The following COL12A1 variants were observed in gnomAD, a reference collection of about 807,000 sequenced individuals.
COL12A1 encodes the protein collagen alpha-1(XII) chain.
In COL12A1, 114 loss-of-function variants were observed where a neutral mutation model predicts 349.7. The observed-to-expected ratio is 0.33, with a 90% CI of 0.28 to 0.38. The LOEUF (loss-of-function observed/expected upper bound fraction) is 0.38. Among genes scored for constraint, COL12A1 ranks in the 10% least tolerant of loss-of-function variants. The probability of loss-of-function intolerance (pLI) is 1.00; values close to 1 mark genes in which losing one functional copy is unlikely to be tolerated. For missense variants in COL12A1, 3,284 were observed against 3,756.9 expected, an observed-to-expected ratio of 0.87 and a Z score of 3.29; for synonymous variants, 1,369 against 1,329.0, an observed-to-expected ratio of 1.03 and a Z score of -0.66.
At chr6:75,140,595 T>G (rs1333128007) in intron 27 of COL12A1, among the ~76,000 whole-genome samples, 3 of 144,550 alleles carry the variant, frequency 2.1e-5, no homozygotes, top group Non-Finnish European at 4.5e-5. Context: ...GGCGGAGCTT[T>G]CAGTGAGCCG....
chr6:75,161,016 C>T (rs924950960), intron 14 of COL12A1, among the ~76,000 whole-genome samples: 4 of 152,146 alleles, frequency 2.6e-5, no homozygotes, highest in Non-Finnish European at 4.4e-5. Context: ...TTAAGGGTCA[C>T]AGTGGACACA....
Position 75,087,624 on chromosome 6 carries a change from T to C in COL12A1, c.9134A>G (p.Asp3045Gly), listed in dbSNP as rs751471471. ...RGPPGPPGYC[D>G]SSQCASIPYN... The stretch of plus-strand genomic sequence containing the variant: ...TGGGATGCTGGCACACTGAGAAGAA[T>C]CACAGTATCCAGGAGGACCTGGGGG... The change falls in exon 65 of 66, where the codon GAT (aspartate) becomes GGT (glycine). Residue 3045 changes from aspartate (D) to glycine (G), a missense_variant. Asp to Gly is a moderately conservative substitution (Grantham distance 94). This residue lies in a region of COL12A1 where 683 missense variants were observed against 932.1 expected (regional missense o/e 0.73). Coordinates refer to ENST00000322507, the MANE Select transcript of COL12A1 (RefSeq NM_004370.6). 2 of 1,613,808 alleles carry C rather than the reference T, an allele frequency of 1.2e-6. No individual in the cohort carries two copies. Among genetic ancestry groups the C allele is most frequent in the Non-Finnish European group, 1.7e-6 (2 of 1,179,852 alleles).
chr6:75,189,073 T>G, intron 7 of COL12A1, 144 bp downstream of exon 7: 2 of 857,400 alleles, frequency 2.3e-6, no homozygotes, highest in South Asian at 4.4e-5. Flanking sequence ...TTAAAGACAA[T>G]TTAAGTCTTT....
intron 58 of COL12A1, 106 bp from the exon 59 acceptor site, chr6:75,097,412 C>A: frequency 2.6e-6 from 2 of 755,812 alleles, no homozygotes; most frequent in Non-Finnish European, 2.2e-6. Context: ...AAGGATTTAG[C>A]CCAACATGCT....
chr6:75,183,683 C>A, intron 9 of COL12A1, 31 bp from the exon 10 acceptor site: 1 of 1,566,894 alleles, frequency 6.4e-7, no homozygotes. Context: ...CATTAAACTT[C>A]AATACATATT....
At chr6:75,098,062 T>C (rs1768137372) in intron 58 of COL12A1, among the ~76,000 whole-genome samples, 1 of 152,192 alleles carries the variant, frequency 6.6e-6, no homozygotes, top group Non-Finnish European at 1.5e-5. Context: ...AAACATTCCT[T>C]TACCAAATAT....
At chr6:75,163,908 A>AG in intron 14 of COL12A1, among the ~76,000 whole-genome samples, 1 of 152,200 alleles carries the variant, frequency 6.6e-6, no homozygotes, top group East Asian at 1.9e-4. Flanking sequence ...TAATTTCTGG[A>AG]GGAAAAAAAT....
At chr6:75,123,791 C>A (rs1449488509) in intron 42 of COL12A1, among the ~76,000 whole-genome samples, 157 bp downstream of exon 42, 2 of 152,174 alleles carry the variant, frequency 1.3e-5, no homozygotes, top group Non-Finnish European at 2.9e-5. Flanking sequence ...AGGTCCTGAA[C>A]CAGCTTTAGA....
Position 75,113,229 on chromosome 6 carries a change from G to C in COL12A1, c.7925C>G (p.Thr2642Arg), listed in dbSNP as rs1768919096. The change falls in exon 51 of 66, where the codon ACA (threonine) becomes AGA (arginine). Residue 2642 changes from threonine (T) to arginine (R), a missense_variant. Physicochemically the swap from Thr to Arg is moderately conservative, Grantham distance 71 (BLOSUM62 -1). Around this residue, in one of 2 missense-constraint regions of COL12A1, gnomAD observed 683 missense variants for 932.1 expected, o/e 0.73. Coordinates refer to ENST00000322507, the MANE Select transcript of COL12A1 (RefSeq NM_004370.6). The part of the protein sequence containing the change: ...TVTFDTEEVK[T>R]LFYGSFHKVH... ...CTTGTGAAAACTTCCATAAAATAAT[G>C]TCTTTACTTCTTCTGTGTCAAATGT... 1 of 1,556,460 alleles carries C rather than the reference G, an allele frequency of 6.4e-7. No homozygotes were observed. Among genetic ancestry groups the C allele is most frequent in the Non-Finnish European group, 8.7e-7 (1 of 1,153,458 alleles).
At chr6:75,151,783 G>A in intron 20 of COL12A1, 84 bp downstream of exon 20, 5 of 1,327,816 alleles carry the variant, frequency 3.8e-6, no homozygotes, top group Non-Finnish European at 4.1e-6. Context: ...TTTTTTTCAT[G>A]CTTCAGATAA....
intron 50 of COL12A1, 71 bp downstream of exon 50, chr6:75,113,531 G>GT: frequency 6.9e-7 from 1 of 1,456,050 alleles, no homozygotes; most frequent in Non-Finnish European, 9.2e-7. Flanking sequence ...TATTCAGAAA[G>GT]TTTTTTAAAA....
intron 10 of COL12A1, among the ~76,000 whole-genome samples, chr6:75,182,186 A>G (rs1480212665): frequency 6.6e-6 from 1 of 152,030 alleles, no homozygotes; most frequent in African/African-American, 2.4e-5. Context: ...GTTACAGTTT[A>G]GGAAGGCTTA....
In COL12A1 at chr6:75,113,648, T is replaced by C; in HGVS notation, c.7794A>G (p.Gln2598=). The C allele has an allele frequency of 6.2e-7, 1 of 1,609,824 alleles. No homozygotes were observed. Among genetic ancestry groups the C allele is most frequent in the African/African-American group, 1.3e-5 (1 of 74,918 alleles). ...ETPSDPFAIW[Q]ITDRDYKPQV... ...GTGGTTTGTAGTCTCTGTCTGTGAT[T>C]TGCCAAATTGCAAAAGGGTCACTGG... Residue 2598 remains glutamine, a synonymous_variant, in exon 50 of 66, where the codon CAA becomes CAG. Transcript: ENST00000322507.
Position 75,148,456 on chromosome 6 carries a change from T to G in COL12A1, c.4189A>C (p.Thr1397Pro), listed in dbSNP as rs757812507. 1 of 1,613,440 alleles carries G rather than the reference T, an allele frequency of 6.2e-7. No individual in the cohort carries two copies. Among genetic ancestry groups the G allele is most frequent in the Non-Finnish European group, 8.5e-7 (1 of 1,179,528 alleles). The change falls in exon 22 of 66, where the codon ACC becomes CCC. Residue 1397 changes from threonine (T) to proline (P), a missense_variant. Coordinates refer to ENST00000322507, the MANE Select transcript of COL12A1 (RefSeq NM_004370.6). ...APSNLVISER[T>P]HRSFRVSWTP... ...CAGCTCACTCTAAAAGAACGATGGG[T>G]TCGCTCAGAAATAACTAAGTTAGAA...
Position 75,105,197 on chromosome 6 carries a change from T to C in COL12A1, c.8265+9A>G. 6.2e-7 allele frequency: 1 copy of C among 1,609,294 alleles called. No homozygotes were observed. The highest frequency in any genetic ancestry group is 8.5e-7 in the Non-Finnish European group (1 of 1,177,326). Reference sequence around the variant, plus strand: ...GGAAAAACCAGAGGATCTATTTCAATTTCCTTACTGCAGGGCCTGGAGGTC... The same window carrying C: ...GGAAAAACCAGAGGATCTATTTCAACTTCCTTACTGCAGGGCCTGGAGGTC... On this transcript the variant is annotated intron_variant, in intron 54 of 65. Coordinates refer to ENST00000322507, the MANE Select transcript of COL12A1 (RefSeq NM_004370.6).
rs80297300 is a variant in COL12A1, at chr6:75,145,362, G to A, written c.4654C>T (p.Leu1552Phe). 6.2e-7 allele frequency: 1 copy of A among 1,613,382 alleles called. No homozygotes were observed. ...CGAACAGTGACAGGTTCACTAGTGA[G>A]GTCGTGCAGGACAGCCTGGACTGTG... The part of the protein sequence containing the change: ...AVTVQAVLHD[L>F]TSEPVTVREV... The change falls in exon 25 of 66, where the codon CTC becomes TTC. Residue 1552 changes from leucine (L) to phenylalanine (F), a missense_variant. Physicochemically the swap from Leu to Phe is conservative, Grantham distance 22. Coordinates refer to ENST00000322507, the MANE Select transcript of COL12A1 (RefSeq NM_004370.6).
At chr6:75,118,971 C>A (rs1769218871) in intron 46 of COL12A1, 72 bp downstream of exon 46, 18 of 1,588,078 alleles carry the variant, frequency 1.1e-5, no homozygotes, top group Non-Finnish European at 1.6e-5. Flanking sequence ...CAAATTTAGT[C>A]TTTTGCAATC....
At chr6:75,202,894 G>C (rs1770604465) in intron 1 of COL12A1, 67 bp from the exon 2 acceptor site, 9 of 1,082,818 alleles carry the variant, frequency 8.3e-6, no homozygotes, top group Non-Finnish European at 1.1e-5. Context: ...GTTAGAACTG[G>C]AGCCTGGACC....
At chr6:75,168,490 A>G (rs551802015) in intron 13 of COL12A1, among the ~76,000 whole-genome samples, 2 of 152,320 alleles carry the variant, frequency 1.3e-5, no homozygotes, top group South Asian at 4.1e-4. Context: ...GGTCAACAAC[A>G]GGCTATGTCA....
Sources: allele counts gnomAD v4.1 joint callset (sites outside exome capture counted in the v4.1 genomes callset), GRCh38; gene constraint gnomAD v4.1.1; regional missense constraint gnomAD v4.1.1; transcripts MANE v1.5; gene names NCBI Gene and HGNC (gene_info 2026-07-23, HGNC 2026-07-21).